TMEM144: variants seen among roughly 807,000 people sequenced by gnomAD.
TMEM144 encodes transmembrane protein 144.
In TMEM144, 39 loss-of-function variants were observed where a neutral mutation model predicts 43.6. That is an observed-to-expected ratio of 0.90 (90% CI 0.69 to 1.17). The LOEUF (loss-of-function observed/expected upper bound fraction) is 1.17. Among genes scored for constraint, TMEM144 ranks in the 50% most tolerant of loss-of-function variants. The pLI, the probability that TMEM144 is intolerant of heterozygous loss-of-function variation, is 0.00. For synonymous variants in TMEM144, 154 were observed against 133.6 expected, an observed-to-expected ratio of 1.15 and a Z score of -1.06; for missense variants, 417 against 411.9, an observed-to-expected ratio of 1.01 and a Z score of -0.11.
intron 12 of TMEM144, among the ~76,000 whole-genome samples, chr4:158,251,008 C>A (rs143405577): frequency 1.8e-4 from 27 of 152,276 alleles, no homozygotes; most frequent in African/African-American, 6.5e-4. Flanking sequence ...TGGCAGGATA[C>A]CAACTGCTGC....
intron 2 of TMEM144, 99 bp downstream of exon 2, chr4:158,211,673 C>CA (rs1389993506): frequency 6.6e-6 from 1 of 152,188 alleles, no homozygotes; most frequent in African/African-American, 2.4e-5. Context: ...AAATGTGCCT[C>CA]AGTGTGTCTT....
intron 4 of TMEM144, 72 bp downstream of exon 4, chr4:158,215,385 G>T: frequency 6.5e-7 from 1 of 1,542,580 alleles, no homozygotes; most frequent in Non-Finnish European, 8.8e-7. Flanking sequence ...CACAATAGGA[G>T]GAAATAGCGC....
intron 12 of TMEM144, among the ~76,000 whole-genome samples, chr4:158,252,442 A>C (rs1448175664): frequency 6.6e-6 from 1 of 152,154 alleles, no homozygotes; most frequent in East Asian, 1.9e-4. Context: ...TGGCCCCTCC[A>C]ATCTGTCTGC....
chr4:158,237,304 A>T (rs1735399213), intron 8 of TMEM144: 1 of 451,182 alleles, frequency 2.2e-6, no homozygotes, highest in Non-Finnish European at 3.9e-6. Context: ...TGTACTTCTA[A>T]AATTAGACAC....
intron 6 of TMEM144, among the ~76,000 whole-genome samples, chr4:158,223,412 C>G (rs1734600698): frequency 6.6e-6 from 1 of 152,106 alleles, no homozygotes. Flanking sequence ...AGAGCCTTAT[C>G]TATAGTGTCC....
chr4:158,244,367 C>G lies in TMEM144; in HGVS notation c.954+18C>G. ...AAATAAAGGTATGTACAAGAAAGGGCAGACTTAGAAAATGGGAATGGGGTA... is the reference window on the plus strand; with the variant it reads ...AAATAAAGGTATGTACAAGAAAGGGGAGACTTAGAAAATGGGAATGGGGTA... On this transcript the variant is annotated intron_variant, in intron 12 of 12. Coordinates refer to ENST00000296529, the MANE Select transcript of TMEM144 (RefSeq NM_018342.5). The G allele has an allele frequency of 6.2e-7, 1 of 1,602,326 alleles. No homozygotes were observed. Among genetic ancestry groups the G allele is most frequent in the Non-Finnish European group, 8.5e-7 (1 of 1,172,396 alleles).
chr4:158,233,442 A>T (rs1735188800), intron 7 of TMEM144: 1 of 152,400 alleles, frequency 6.6e-6, no homozygotes, highest in African/African-American at 2.4e-5. Context: ...AACAGAAAAT[A>T]TGATAGGAGT....
intron 7 of TMEM144, 140 bp downstream of exon 7, chr4:158,233,122 T>C (rs897575916): frequency 1.6e-6 from 1 of 614,896 alleles, no homozygotes; most frequent in African/African-American, 1.9e-5. Flanking sequence ...TTATTTATTA[T>C]GGGTAGGTCT....
intron 6 of TMEM144, among the ~76,000 whole-genome samples, chr4:158,232,614 A>C (rs1250526506): frequency 6.6e-6 from 1 of 152,226 alleles, no homozygotes; most frequent in Non-Finnish European, 1.5e-5. Context: ...TGTAGTTTTC[A>C]TTTGTGTTTC....
chr4:158,230,278 C>G (rs911117091), intron 6 of TMEM144, among the ~76,000 whole-genome samples: 1 of 152,044 alleles, frequency 6.6e-6, no homozygotes, highest in Non-Finnish European at 1.5e-5. Context: ...GACCACACTG[C>G]TTTTCCTTCC....
At chr4:158,250,360 G>A (rs528092651) in intron 12 of TMEM144, among the ~76,000 whole-genome samples, 1 of 152,046 alleles carries the variant, frequency 6.6e-6, no homozygotes, top group African/African-American at 2.4e-5. Context: ...ATTTACCTCT[G>A]ATCTCTGCAT....
rs945028838 is a variant in TMEM144, at chr4:158,254,378, T to C, written c.*851T>C. The C allele has an allele frequency of 2.6e-5, 4 of 152,078 alleles. No individual in the cohort carries two copies. The highest frequency in any genetic ancestry group is 5.9e-5 in the Non-Finnish European group (4 of 68,022). 9.4% of individuals were successfully genotyped at this position (152,078 alleles called of 1,614,324 possible). ...CCCTCTTAACTGGAGGTTTCCTGTT[T>C]TCTTCTTGTTTTAACTGGTGGTTTC... On this transcript the variant is annotated 3_prime_UTR_variant, in exon 13 of 13. Coordinates refer to ENST00000296529, the MANE Select transcript of TMEM144 (RefSeq NM_018342.5).
intron 12 of TMEM144, among the ~76,000 whole-genome samples, chr4:158,252,870 T>A (rs1428796438): frequency 4.0e-5 from 6 of 151,506 alleles, no homozygotes; most frequent in South Asian, 2.1e-4. Context: ...AGTGCTCAGG[T>A]CCATGGTCTT....
chr4:158,252,171 A>G (rs972826672), intron 12 of TMEM144, among the ~76,000 whole-genome samples: 4 of 152,212 alleles, frequency 2.6e-5, no homozygotes, highest in Non-Finnish European at 5.9e-5. Flanking sequence ...GAAATGAAAT[A>G]TTTCTACTTA....
chr4:158,229,434 A>C (rs1411546363), intron 6 of TMEM144, among the ~76,000 whole-genome samples: 1 of 152,108 alleles, frequency 6.6e-6, no homozygotes, highest in African/African-American at 2.4e-5. Flanking sequence ...ATTCCTGTAC[A>C]GGGTGCCTGA....
intron 9 of TMEM144, among the ~76,000 whole-genome samples, chr4:158,238,324 A>C (rs954876363): frequency 2.0e-5 from 3 of 152,208 alleles, no homozygotes; most frequent in African/African-American, 7.2e-5. Context: ...TGTTCAGATA[A>C]AGGAGAATTT....
At chr4:158,217,839 A>T (rs148449035) in intron 5 of TMEM144, among the ~76,000 whole-genome samples, 93 of 152,358 alleles carry the variant, frequency 6.1e-4, no homozygotes, top group African/African-American at 2.2e-3. Context: ...CTAGGATTCA[A>T]ACCCAGGTCT....
intron 12 of TMEM144, among the ~76,000 whole-genome samples, chr4:158,246,119 TA>T (rs1735881847): frequency 6.6e-6 from 1 of 152,130 alleles, no homozygotes; most frequent in Non-Finnish European, 1.5e-5. Context: ...TTAAAGATTT[TA>T]AAATGTTTAA....
In TMEM144 at chr4:158,237,661, T is replaced by C. The variant is rs1020927535; in HGVS notation, c.682+18T>C. The C allele has an allele frequency of 5.4e-6, 8 of 1,493,418 alleles. No individual in the cohort carries two copies. Among genetic ancestry groups the C allele is most frequent in the Non-Finnish European group, 6.5e-6 (7 of 1,079,354 alleles). 92.5% of individuals were successfully genotyped at this position (1,493,418 alleles called of 1,614,324 possible). A position where few individuals can be genotyped will look rare whatever the true frequency, so the allele number is the denominator to read the frequency against. ...CCAATATGGTGAGAATAAAAAGTTATCTTACTTTATTAATATCTACTTTTT... is the reference window on the plus strand; with the variant it reads ...CCAATATGGTGAGAATAAAAAGTTACCTTACTTTATTAATATCTACTTTTT... On this transcript the variant is annotated intron_variant, in intron 9 of 12. Coordinates refer to ENST00000296529, the MANE Select transcript of TMEM144 (RefSeq NM_018342.5).
Sources: allele counts gnomAD v4.1 joint callset (sites outside exome capture counted in the v4.1 genomes callset), GRCh38; gene constraint gnomAD v4.1.1; transcripts MANE v1.5; gene names NCBI Gene and HGNC (gene_info 2026-07-23, HGNC 2026-07-21).